LONP2: variants seen among roughly 807,000 people sequenced by gnomAD.
LONP2 encodes lon peptidase 2, peroxisomal, also known as lon protease homolog 2, peroxisomal.
A neutral mutation model predicts 85.6 loss-of-function variants in LONP2; 60 were observed. The ratio of observed to expected loss-of-function variants is 0.70; its 90% confidence interval spans 0.57 to 0.87. The LOEUF is 0.87. LONP2 is among the 40% of genes least tolerant of loss of function. The pLI is 0.00. For missense variants in LONP2, 860 were observed against 1,063.5 expected (o/e 0.81, Z 2.66); for synonymous variants, 395 against 389.7 (o/e 1.01, Z -0.16).
intron 11 of LONP2, among the ~76,000 whole-genome samples, chr16:48,324,250 A>T (rs1425411872): frequency 6.6e-6 from 1 of 152,244 alleles, no homozygotes; most frequent in Non-Finnish European, 1.5e-5. Flanking sequence ...CTTTTAAAGT[A>T]GGCTCAGTTA....
At chr16:48,332,898 ACT>A (rs1959503154) in intron 11 of LONP2, among the ~76,000 whole-genome samples, 1 of 148,676 alleles carries the variant, frequency 6.7e-6, no homozygotes, top group Non-Finnish European at 1.5e-5. Flanking sequence ...ACAGAGCGAG[ACT>A]CTGTCTCAAA....
intron 8 of LONP2, among the ~76,000 whole-genome samples, chr16:48,287,572 A>G (rs1323066692): frequency 1.3e-5 from 2 of 152,226 alleles, no homozygotes; most frequent in African/African-American, 4.8e-5. Context: ...AAACAGGGAC[A>G]GTTCTCTGGG....
intron 7 of LONP2, among the ~76,000 whole-genome samples, chr16:48,275,451 A>G (rs943229122): frequency 2.0e-5 from 3 of 152,130 alleles, no homozygotes; most frequent in East Asian, 1.9e-4. Context: ...CACTGGCTCT[A>G]TAGAGGAGGT....
chr16:48,347,379 A>T, intron 12 of LONP2, 128 bp from the exon 13 acceptor site: 1 of 790,642 alleles, frequency 1.3e-6, no homozygotes, highest in Non-Finnish European at 2.2e-6. Flanking sequence ...GAATCATGTT[A>T]GGTAACAAGG....
At chr16:48,245,279 C>G (rs1971301879) in intron 1 of LONP2, among the ~76,000 whole-genome samples, 1 of 152,196 alleles carries the variant, frequency 6.6e-6, no homozygotes, top group African/African-American at 2.4e-5. Context: ...TCTGCTCCTT[C>G]ACTCATAACA....
At chr16:48,323,787 G>A (rs1973315501) in intron 11 of LONP2, among the ~76,000 whole-genome samples, 5 of 152,222 alleles carry the variant, frequency 3.3e-5, no homozygotes, top group Admixed American at 1.3e-4. Context: ...TAATCGTAAG[G>A]TTGTGTTGCC....
At chr16:48,312,271 G>A (rs563749706) in intron 11 of LONP2, among the ~76,000 whole-genome samples, 1 of 152,094 alleles carries the variant, frequency 6.6e-6, no homozygotes, top group Admixed American at 6.5e-5. Context: ...TCAGTGTTTT[G>A]AATTCTTTAT....
chr16:48,350,068 A>G (rs913439196), intron 14 of LONP2, among the ~76,000 whole-genome samples: 8 of 152,184 alleles, frequency 5.3e-5, no homozygotes, highest in South Asian at 2.1e-4. Context: ...CCTGGGAAAT[A>G]TATCTCTACA....
chr16:48,316,540 TGG>T (rs1973150179), intron 11 of LONP2, among the ~76,000 whole-genome samples: 1 of 151,700 alleles, frequency 6.6e-6, no homozygotes, highest in Admixed American at 6.6e-5. Flanking sequence ...TTGGCCAGGC[TGG>T]TCTTGAACTC....
In LONP2 at chr16:48,261,455, C is replaced by T. The variant is rs764705135; in HGVS notation, c.755C>T (p.Thr252Ile). 1 of 1,607,002 alleles carries T rather than the reference C, an allele frequency of 6.2e-7. No individual in the cohort carries two copies. The highest frequency in any genetic ancestry group is 1.1e-5 in the South Asian group (1 of 90,332). Reference protein sequence around the residue: ...VIAIRPIRRITHISGTLEDED... With the variant: ...VIAIRPIRRIIHISGTLEDED... The stretch of plus-strand genomic sequence containing the variant: ...GCAATACGCCCTATTAGGAGAATTA[C>T]ACATATCTCAGGTACTTTAGAAGAT... The change falls in exon 5 of 15, where the codon ACA becomes ATA. Residue 252 changes from threonine (T) to isoleucine (I), a missense_variant. Physicochemically the swap from Thr to Ile is moderately conservative, Grantham distance 89. Around this residue, in one of 3 missense-constraint regions of LONP2, gnomAD observed 743 missense variants for 917.3 expected, o/e 0.81. Coordinates refer to ENST00000285737, the MANE Select transcript of LONP2 (RefSeq NM_031490.5).
chr16:48,347,377 T>C (rs1001193554), intron 12 of LONP2, 130 bp from the exon 13 acceptor site: 1 of 784,262 alleles, frequency 1.3e-6, no homozygotes, highest in South Asian at 1.6e-5. Context: ...CAGAATCATG[T>C]TAGGTAACAA....
chr16:48,303,238 C>A lies in LONP2; in HGVS notation c.1728C>A (p.Ala576=), dbSNP rs200933084. Residue 576 remains alanine (A), a synonymous_variant, in exon 11 of 15, where the codon GCC becomes GCA. Transcript: ENST00000285737. ...RKLGAICRAV[A]VKVAEGQHKE... is the part of the protein sequence containing the mutation. ...TTGGGGCCATTTGCCGAGCTGTGGC[C>A]GTGAAGGTGGCAGAAGGACAGCATA... The A allele has an allele frequency of 3.1e-6, 5 of 1,613,866 alleles. No individual in the cohort carries two copies. The highest frequency in any genetic ancestry group is 2.2e-5 in the East Asian group (1 of 44,896).
In LONP2 at chr16:48,277,388, CTG is replaced by C; in HGVS notation, c.1295_1296del (p.Val432GlyfsTer11). The C allele has an allele frequency of 1.2e-6, 2 of 1,613,698 alleles. No homozygotes were observed. Among genetic ancestry groups the C allele is most frequent in the Middle Eastern group, 1.7e-4 (1 of 6,058 alleles). On this transcript the variant is annotated frameshift_variant, in exon 8 of 15. Transcript: ENST00000285737. LOFTEE classifies it high-confidence loss of function. ...GGTCGCATCATCAACGGCTTGAAGA[CTG>C]TGGGAGTGAACAACCCAGTGTTCCT...
intron 11 of LONP2, among the ~76,000 whole-genome samples, chr16:48,308,089 G>A (rs1394119743): frequency 6.6e-6 from 1 of 152,070 alleles, no homozygotes; most frequent in Non-Finnish European, 1.5e-5. Flanking sequence ...CTCCAACATT[G>A]GGAAACAAAG....
intron 11 of LONP2, among the ~76,000 whole-genome samples, chr16:48,309,668 C>T (rs1972988008): frequency 6.6e-6 from 1 of 152,088 alleles, no homozygotes; most frequent in African/African-American, 2.4e-5. Context: ...AGTTTCTCTT[C>T]AGATTGATTT....
chr16:48,254,811 C>T (rs28539217), intron 2 of LONP2, among the ~76,000 whole-genome samples: 1 of 152,144 alleles, frequency 6.6e-6, no homozygotes, highest in African/African-American at 2.4e-5. Flanking sequence ...TCTCCTTTAG[C>T]CATCCTGTAC....
intron 5 of LONP2, among the ~76,000 whole-genome samples, 189 bp downstream of exon 5, chr16:48,261,776 T>C (rs867392633): frequency 6.6e-6 from 1 of 152,118 alleles, no homozygotes. Flanking sequence ...CATGCTTCTT[T>C]GTTTATACGT....
At chr16:48,313,248 A>G (rs1027425497) in intron 11 of LONP2, among the ~76,000 whole-genome samples, 1 of 152,178 alleles carries the variant, frequency 6.6e-6, no homozygotes, top group Non-Finnish European at 1.5e-5. Flanking sequence ...GTTGGGGAGA[A>G]TTGACAATTT....
At chr16:48,268,996 T>C (rs751087334) in intron 6 of LONP2, among the ~76,000 whole-genome samples, 2 of 152,236 alleles carry the variant, frequency 1.3e-5, no homozygotes, top group African/African-American at 4.8e-5. Context: ...CAGGTGGCTG[T>C]GTATTATACC....
Sources: allele counts gnomAD v4.1 joint callset (sites outside exome capture counted in the v4.1 genomes callset), GRCh38; gene constraint gnomAD v4.1.1; regional missense constraint gnomAD v4.1.1; transcripts MANE v1.5; gene names NCBI Gene and HGNC (gene_info 2026-07-23, HGNC 2026-07-21).